The following SDK1 variants were observed in gnomAD, a reference collection of about 807,000 sequenced individuals.
SDK1 encodes the protein sidekick cell adhesion molecule 1.
SDK1 carries 157 observed loss-of-function variants against 245.5 expected under a neutral mutation model. The observed-to-expected ratio is 0.64, with a 90% CI of 0.56 to 0.73. The LOEUF (loss-of-function observed/expected upper bound fraction) is 0.73. Among genes scored for constraint, SDK1 ranks in the 30% least tolerant of loss-of-function variants. The pLI, the probability that SDK1 is intolerant of heterozygous loss-of-function variation, is 0.00. For missense variants in SDK1, 3,583 were observed against 3,002.3 expected (o/e 1.19, Z -4.52); for synonymous variants, 1,647 against 1,278.5 (o/e 1.29, Z -6.15).
At chr7:3,876,176 G>A (rs1029170400) in intron 5 of SDK1, among the ~76,000 whole-genome samples, 1 of 152,202 alleles carries the variant, frequency 6.6e-6, no homozygotes, top group Non-Finnish European at 1.5e-5. Flanking sequence ...TCCTCCTGAA[G>A]TCCTCACGCT....
At chr7:3,740,893 C>T (rs1051316462) in intron 4 of SDK1, among the ~76,000 whole-genome samples, 1 of 152,120 alleles carries the variant, frequency 6.6e-6, no homozygotes, top group Non-Finnish European at 1.5e-5. Context: ...TTCCTGAGGT[C>T]CTTCTTTTCT....
At chr7:3,867,049 T>C (rs566823834) in intron 5 of SDK1, among the ~76,000 whole-genome samples, 3 of 152,158 alleles carry the variant, frequency 2.0e-5, no homozygotes, top group East Asian at 1.9e-4. Flanking sequence ...CTGGTATGAG[T>C]GGGCGCAGGC....
At chr7:3,709,554 C>A (rs928326613) in intron 4 of SDK1, among the ~76,000 whole-genome samples, 1 of 152,212 alleles carries the variant, frequency 6.6e-6, no homozygotes, top group African/African-American at 2.4e-5. Flanking sequence ...CTGCTTCTTT[C>A]AAAGGGTCTG....
intron 5 of SDK1, among the ~76,000 whole-genome samples, chr7:3,941,533 C>T (rs1583595918): frequency 6.6e-6 from 1 of 152,136 alleles, no homozygotes; most frequent in African/African-American, 2.4e-5. Flanking sequence ...CTCCTTTTCT[C>T]CTATTCCTGA....
intron 35 of SDK1, among the ~76,000 whole-genome samples, chr7:4,204,880 G>C (rs1420528984): frequency 6.2e-5 from 8 of 128,374 alleles, no homozygotes; most frequent in Non-Finnish European, 1.3e-4. Flanking sequence ...TTCAAAGATA[G>C]TGTGAAGCTG....
chr7:3,336,019 A>ACTG (rs1562422116), intron 1 of SDK1, among the ~76,000 whole-genome samples: 1 of 152,140 alleles, frequency 6.6e-6, no homozygotes, highest in Admixed American at 6.5e-5. Flanking sequence ...CATGTCTAGT[A>ACTG]CAGGGCACTG....
chr7:3,567,087 G>C (rs1583174113), intron 1 of SDK1, among the ~76,000 whole-genome samples: 1 of 152,120 alleles, frequency 6.6e-6, no homozygotes, highest in African/African-American at 2.4e-5. Flanking sequence ...AATTGAATAA[G>C]GGATATGCCT....
intron 4 of SDK1, among the ~76,000 whole-genome samples, chr7:3,801,896 G>C (rs1203935788): frequency 6.6e-6 from 1 of 152,222 alleles, no homozygotes; most frequent in Non-Finnish European, 1.5e-5. Context: ...ACTCCAGTGA[G>C]AACTCTCTGC....
chr7:3,658,634 C>CAG (rs1264703245), intron 4 of SDK1, among the ~76,000 whole-genome samples: 2 of 113,868 alleles, frequency 1.8e-5, no homozygotes, highest in African/African-American at 3.4e-5. Context: ...TTTTTTGAGA[C>CAG]AGACTCACAG....
At chr7:3,767,778 AAAAC>A (rs1403071221) in intron 4 of SDK1, among the ~76,000 whole-genome samples, 2 of 152,216 alleles carry the variant, frequency 1.3e-5, no homozygotes, top group African/African-American at 2.4e-5. Flanking sequence ...TTTGCCTCAA[AAAAC>A]AAACAAACAA....
intron 35 of SDK1, among the ~76,000 whole-genome samples, chr7:4,193,214 A>T (rs1044524332): frequency 2.2e-5 from 3 of 135,182 alleles, no homozygotes; most frequent in African/African-American, 8.4e-5. Flanking sequence ...ATATTAATAT[A>T]TATATTGTAT....
At chr7:3,393,643 A>C (rs1394996663) in intron 1 of SDK1, among the ~76,000 whole-genome samples, 2 of 152,204 alleles carry the variant, frequency 1.3e-5, no homozygotes, top group African/African-American at 4.8e-5. Flanking sequence ...ATTCTGTTGC[A>C]TTCTTCAGTA....
intron 28 of SDK1, 115 bp from the exon 29 acceptor site, chr7:4,145,607 G>A: frequency 1.1e-6 from 1 of 914,028 alleles, no homozygotes; most frequent in South Asian, 1.7e-5. Flanking sequence ...GTGACCTCCA[G>A]AGACGGGGAA....
At chr7:3,462,499 T>C (rs1490312537) in intron 1 of SDK1, among the ~76,000 whole-genome samples, 3 of 152,186 alleles carry the variant, frequency 2.0e-5, no homozygotes, top group East Asian at 1.9e-4. Flanking sequence ...TTATGTAATA[T>C]TATAGATGAT....
chr7:3,634,116 C>T (rs1782383813), intron 2 of SDK1, among the ~76,000 whole-genome samples: 1 of 152,140 alleles, frequency 6.6e-6, no homozygotes, highest in Admixed American at 6.6e-5. Flanking sequence ...CCTGTAGAGG[C>T]AGGTGAGTGG....
At chr7:4,086,079 C>T (rs1781409351) in intron 22 of SDK1, among the ~76,000 whole-genome samples, 2 of 152,116 alleles carry the variant, frequency 1.3e-5, no homozygotes, top group African/African-American at 2.4e-5. Flanking sequence ...AACAGCTCTG[C>T]GTATATGTGT....
chr7:4,025,274 A>C (rs546960712), intron 17 of SDK1, among the ~76,000 whole-genome samples: 1 of 152,238 alleles, frequency 6.6e-6, no homozygotes, highest in African/African-American at 2.4e-5. Flanking sequence ...CCTTTCGGAA[A>C]AAGCTTCCGC....
At chr7:3,379,036 C>G (rs1233473122) in intron 1 of SDK1, among the ~76,000 whole-genome samples, 7 of 152,276 alleles carry the variant, frequency 4.6e-5, no homozygotes, top group African/African-American at 1.4e-4. Context: ...CCTGCTTCTC[C>G]TGGCCTGTGC....
chr7:3,332,768 A>G (rs1780101899), intron 1 of SDK1, among the ~76,000 whole-genome samples: 1 of 152,190 alleles, frequency 6.6e-6, no homozygotes, highest in Admixed American at 6.5e-5. Flanking sequence ...AGTTCCAGAT[A>G]ACTTCTTTTC....
Sources: gnomAD v4.1 joint callset for allele counts (sites outside exome capture counted in the v4.1 genomes callset) on GRCh38, gnomAD v4.1.1 for gene constraint, MANE v1.5 for transcripts, NCBI Gene and HGNC (gene_info 2026-07-23, HGNC 2026-07-21) for gene names.